The following UBAP1 variants were observed in gnomAD, a reference collection of about 807,000 sequenced individuals.
The protein encoded by UBAP1 is ubiquitin associated protein 1, also known as ubiquitin-associated protein 1.
In UBAP1, 5 loss-of-function variants were observed where a neutral mutation model predicts 39.0. That is an observed-to-expected ratio of 0.13 (90% CI 0.07 to 0.27). The LOEUF (loss-of-function observed/expected upper bound fraction) is 0.27, where lower values mean the gene tolerates loss of function less well. Ranked by LOEUF, UBAP1 falls within the 10% of genes least tolerant of loss-of-function variation. The probability of loss-of-function intolerance (pLI) is 1.00; values close to 1 mark genes in which losing one functional copy is unlikely to be tolerated. For synonymous variants in UBAP1, 211 were observed against 225.1 expected (o/e 0.94, Z 0.56); for missense variants, 490 against 608.1 (o/e 0.81, Z 2.04).
At chr9:34,209,927 T>G (rs1831923827) in intron 1 of UBAP1, among the ~76,000 whole-genome samples, 2 of 152,202 alleles carry the variant, frequency 1.3e-5, no homozygotes, top group Non-Finnish European at 2.9e-5. Flanking sequence ...GATCCCACCA[T>G]TATAAAAATA....
intron 1 of UBAP1, among the ~76,000 whole-genome samples, chr9:34,212,991 G>A (rs1487519672): frequency 3.3e-5 from 5 of 152,140 alleles, no homozygotes; most frequent in African/African-American, 1.2e-4. Flanking sequence ...ATATCAAAAA[G>A]ATAATCCACC....
chr9:34,248,939 G>A (rs1337335634), intron 4 of UBAP1, among the ~76,000 whole-genome samples: 1 of 152,218 alleles, frequency 6.6e-6, no homozygotes, highest in Non-Finnish European at 1.5e-5. Context: ...CCTTTGGCCT[G>A]GGAGTGTGCT....
intron 2 of UBAP1, among the ~76,000 whole-genome samples, chr9:34,231,224 T>G: frequency 6.7e-6 from 1 of 150,128 alleles, no homozygotes; most frequent in East Asian, 1.9e-4. Flanking sequence ...AAGCATGTCT[T>G]TATTTATTTA....
In UBAP1 at chr9:34,231,960, T is replaced by A. The variant is rs1816892170; in HGVS notation, c.35-2256T>A. 2.0e-5 allele frequency among the ~76,000 whole-genome samples: 3 copies of A among 152,058 alleles called. 1 individual carries two copies. The South Asian group carries it at 6.2e-4, about 32-fold the overall frequency. On this transcript the variant is annotated intron_variant, in intron 2 of 6. Transcript: ENST00000297661. ...CACTCAAATTCTTGCTCAGACTCTC[T>A]GAAGGGAGGTTAAGGAAATGAACTA... is the stretch of plus-strand genomic sequence containing the variant.
intron 1 of UBAP1, among the ~76,000 whole-genome samples, chr9:34,218,761 C>G (rs1832490348): frequency 6.6e-6 from 1 of 152,020 alleles, no homozygotes; most frequent in Non-Finnish European, 1.5e-5. Flanking sequence ...TGGCAAAACC[C>G]CGTTTCTACT....
chr9:34,211,337 A>G (rs1249207906), intron 1 of UBAP1, among the ~76,000 whole-genome samples: 1 of 152,174 alleles, frequency 6.6e-6, no homozygotes, highest in African/African-American at 2.4e-5. Context: ...AAATGTTGCT[A>G]TGACTTGTAT....
At chr9:34,209,619 G>A (rs1400363344) in intron 1 of UBAP1, among the ~76,000 whole-genome samples, 1 of 152,042 alleles carries the variant, frequency 6.6e-6, no homozygotes, top group Non-Finnish European at 1.5e-5. Context: ...AGAGTCATTT[G>A]TATGCTTACT....
At chr9:34,231,931 G>A (rs753697237) in intron 2 of UBAP1, among the ~76,000 whole-genome samples, 2 of 151,118 alleles carry the variant, frequency 1.3e-5, no homozygotes, top group Non-Finnish European at 3.0e-5. Flanking sequence ...GTGCCCGGCC[G>A]GGACACTCAA....
chr9:34,243,620 G>A (rs562512170), intron 4 of UBAP1, among the ~76,000 whole-genome samples: 1 of 152,102 alleles, frequency 6.6e-6, no homozygotes, highest in African/African-American at 2.4e-5. Context: ...CTGCCAAGTA[G>A]CTGGGATTAC....
chr9:34,227,962 A>G lies in UBAP1; in HGVS notation c.35-6254A>G, dbSNP rs375974907. On this transcript the variant is annotated intron_variant, in intron 2 of 6. Transcript: ENST00000297661. The stretch of plus-strand genomic sequence containing the variant: ...GGCAACAAAGTGAGCCCTCAGCTCT[A>G]CAAAAAAATTTAAAAAATTAGCTGG... Among the ~76,000 whole-genome samples, 66 of 152,210 alleles carry G rather than the reference A, an allele frequency of 4.3e-4. No homozygotes were observed. The East Asian group carries it at 8.1e-3, about 19-fold the overall frequency.
At chr9:34,210,028 G>A (rs1400983613) in intron 1 of UBAP1, among the ~76,000 whole-genome samples, 1 of 152,144 alleles carries the variant, frequency 6.6e-6, no homozygotes, top group East Asian at 1.9e-4. Flanking sequence ...CTATACGCTA[G>A]TGACTCCAAT....
In UBAP1 at chr9:34,179,223, G is replaced by GGCA; in HGVS notation, c.-19_-17dup. On this transcript the variant is annotated 5_prime_UTR_variant, in exon 1 of 7. Transcript: ENST00000297661. Reference sequence around the variant, plus strand: ...AGCACCTTTCGGCTTCTGAGACGGCGGCAGCAGCGGCATTCAGGTGAGGGG... The same window carrying GGCA: ...AGCACCTTTCGGCTTCTGAGACGGCGGCAGCAGCAGCGGCATTCAGGTGAGGGG... 1 of 1,232,906 alleles carries GGCA rather than the reference G, an allele frequency of 8.1e-7. No individual in the cohort carries two copies. Among genetic ancestry groups the GGCA allele is most frequent in the Non-Finnish European group, 1.0e-6 (1 of 988,184 alleles). 76.4% of individuals were successfully genotyped at this position (1,232,906 alleles called of 1,614,324 possible).
chr9:34,219,740 CT>C (rs1832565814), intron 1 of UBAP1, among the ~76,000 whole-genome samples: 1 of 50,282 alleles, frequency 2.0e-5, no homozygotes, highest in Non-Finnish European at 4.5e-5. Context: ...CCCCCTCCCC[CT>C]TCCCCTCCCC....
At chr9:34,235,802 C>T (rs1833669441) in intron 3 of UBAP1, among the ~76,000 whole-genome samples, 1 of 151,618 alleles carries the variant, frequency 6.6e-6, no homozygotes, top group African/African-American at 2.4e-5. Context: ...GGTAAGTGCC[C>T]TATACAGGTG....
At chr9:34,224,744 A>G in intron 2 of UBAP1, 1 of 225,230 alleles carries the variant, frequency 4.4e-6, no homozygotes, top group Non-Finnish European at 8.7e-6. Context: ...AATATTTAAT[A>G]GGCAATTGTG....
intron 1 of UBAP1, among the ~76,000 whole-genome samples, chr9:34,217,504 A>G (rs900340114): frequency 6.6e-6 from 1 of 151,946 alleles, no homozygotes; most frequent in Non-Finnish European, 1.5e-5. Flanking sequence ...TCAAAGTTCT[A>G]AGATTACAGT....
chr9:34,201,227 T>C (rs1373917399), intron 1 of UBAP1: 1 of 152,138 alleles, frequency 6.6e-6, no homozygotes, highest in Non-Finnish European at 1.5e-5. Context: ...GTTTTAGTTC[T>C]TTATTTTAGA....
intron 3 of UBAP1, among the ~76,000 whole-genome samples, chr9:34,239,929 C>A (rs779038876): frequency 1.3e-5 from 2 of 152,260 alleles, no homozygotes; most frequent in Admixed American, 6.5e-5. Flanking sequence ...TTTCTGCGTT[C>A]CAAGTATTCT....
At chr9:34,242,180 T>G in intron 4 of UBAP1, 72 bp downstream of exon 4, 1 of 1,466,306 alleles carries the variant, frequency 6.8e-7, no homozygotes, top group Non-Finnish European at 9.2e-7. Flanking sequence ...TCTTGTTGTT[T>G]GGTTGATTTT....
Sources: gnomAD v4.1 joint callset for allele counts (sites outside exome capture counted in the v4.1 genomes callset) on GRCh38, gnomAD v4.1.1 for gene constraint, MANE v1.5 for transcripts, NCBI Gene and HGNC (gene_info 2026-07-23, HGNC 2026-07-21) for gene names.